P2RY14: variants seen among roughly 807,000 people sequenced by gnomAD.
P2RY14 encodes the protein purinergic receptor P2Y14.
A neutral mutation model predicts 0.9 loss-of-function variants in P2RY14; 2 were observed. The ratio of observed to expected loss-of-function variants is 2.16; its 90% CI spans 0.88 to 6.79. P2RY14 has a LOEUF of 6.79. P2RY14 is among the 30% of genes most tolerant of loss of function. The probability of loss-of-function intolerance (pLI) is 0.05; values close to 1 mark genes in which losing one functional copy is unlikely to be tolerated. For missense variants in P2RY14, 378 were observed against 400.1 expected (o/e 0.94, Z 0.47); for synonymous variants, 158 against 147.2 (o/e 1.07, Z -0.53).
At chr3:151,264,775 G>GTA (rs1739522692) in intron 1 of P2RY14, among the ~76,000 whole-genome samples, 1 of 152,132 alleles carries the variant, frequency 6.6e-6, no homozygotes, top group Non-Finnish European at 1.5e-5. Context: ...GCGTGTGTGT[G>GTA]TATGTGTGTG....
intron 1 of P2RY14, among the ~76,000 whole-genome samples, chr3:151,240,879 A>C (rs2149378848): frequency 6.6e-6 from 1 of 152,318 alleles, no homozygotes; most frequent in South Asian, 2.1e-4. Context: ...TTTATTCTTC[A>C]AGTACCATGC....
At chr3:151,215,313 T>C (rs1269962792) in intron 2 of P2RY14, among the ~76,000 whole-genome samples, 1 of 152,194 alleles carries the variant, frequency 6.6e-6, no homozygotes, top group Non-Finnish European at 1.5e-5. Flanking sequence ...CAGATTGAGA[T>C]GTTCTGTTAA....
At chr3:151,215,588 CT>C (rs1447035228) in intron 2 of P2RY14, among the ~76,000 whole-genome samples, 1 of 152,132 alleles carries the variant, frequency 6.6e-6, no homozygotes, top group Non-Finnish European at 1.5e-5. Flanking sequence ...TTTAGGAATC[CT>C]GTATATTCTT....
chr3:151,243,112 T>G (rs1734566432), intron 1 of P2RY14, among the ~76,000 whole-genome samples: 1 of 151,848 alleles, frequency 6.6e-6, no homozygotes, highest in Non-Finnish European at 1.5e-5. Context: ...AATATGGGGC[T>G]GTGTGAAAAG....
intron 1 of P2RY14, among the ~76,000 whole-genome samples, chr3:151,235,719 A>ATAAG (rs1449554666): frequency 9.3e-6 from 1 of 107,390 alleles, no homozygotes; most frequent in African/African-American, 3.5e-5. Context: ...AAATAAATAA[A>ATAAG]TAAGTAAAAG....
At chr3:151,268,877 G>A (rs796190487) in intron 1 of P2RY14, among the ~76,000 whole-genome samples, 3 of 152,146 alleles carry the variant, frequency 2.0e-5, no homozygotes, top group Admixed American at 6.5e-5. Context: ...CCCAACCTTC[G>A]GTTGGTTTTA....
chr3:151,270,880 T>G (rs1740816881), intron 1 of P2RY14, among the ~76,000 whole-genome samples: 1 of 152,352 alleles, frequency 6.6e-6, no homozygotes, highest in South Asian at 2.1e-4. Context: ...CATTCTCTGT[T>G]GTACTTTTGT....
In P2RY14 at chr3:151,214,179, T is replaced by C. The variant is rs1376684740; in HGVS notation, c.138A>G (p.Ile46Met). 4 of 1,614,128 alleles carry C rather than the reference T, an allele frequency of 2.5e-6. No individual in the cohort carries two copies. Among genetic ancestry groups the C allele is most frequent in the Non-Finnish European group, 1.7e-6 (2 of 1,179,998 alleles). Reference protein sequence around the residue: ...GILLNGVSGWIFFYVPSSKSF... With the variant: ...GILLNGVSGWMFFYVPSSKSF... ...TCTTAGAGCTGGGCACGTAAAAGAATATCCATCCTGACACTCCATTGAGTA... is the reference window on the plus strand; with the variant it reads ...TCTTAGAGCTGGGCACGTAAAAGAACATCCATCCTGACACTCCATTGAGTA... The change falls in exon 3 of 3, where the codon ATA becomes ATG. Residue 46 changes from isoleucine (I) to methionine (M), a missense_variant. Ile to Met is a conservative substitution (Grantham distance 10). Coordinates refer to ENST00000309170, the MANE Select transcript of P2RY14 (RefSeq NM_014879.4).
intron 1 of P2RY14, among the ~76,000 whole-genome samples, chr3:151,238,591 A>G (rs1040178882): frequency 3.3e-5 from 5 of 152,250 alleles, no homozygotes; most frequent in Non-Finnish European, 7.3e-5. Context: ...CTGATGGTGC[A>G]AAAGCCATGA....
rs369061280 is a variant in P2RY14, at chr3:151,243,046, C to T, written c.-132-23404G>A. The stretch of plus-strand genomic sequence containing the variant: ...GGAAGATGAAATGAATGAAATGAAG[C>T]GAGAAGGGAAGTTTAGAGAAAAAAG... On this transcript the variant is annotated intron_variant, in intron 1 of 2. Transcript: ENST00000309170. 5.1e-3 allele frequency among the ~76,000 whole-genome samples: 773 copies of T among 150,570 alleles called. 11 individuals carry two copies. Among genetic ancestry groups the T allele is most frequent in the African/African-American group, 0.017 (708 of 40,762 alleles).
intron 2 of P2RY14, among the ~76,000 whole-genome samples, chr3:151,217,201 T>G (rs1038687895): frequency 5.9e-5 from 9 of 152,240 alleles, no homozygotes; most frequent in African/African-American, 2.2e-4. Context: ...TAGAAGCCAC[T>G]ATTTATAGAA....
At chr3:151,236,616 TTCAA>T (rs1336707957) in intron 1 of P2RY14, among the ~76,000 whole-genome samples, 1 of 152,230 alleles carries the variant, frequency 6.6e-6, no homozygotes, top group Non-Finnish European at 1.5e-5. Flanking sequence ...TCATGTGTTC[TTCAA>T]TCTTTCACTT....
chr3:151,258,978 AT>A (rs1177521507), intron 1 of P2RY14, among the ~76,000 whole-genome samples: 1 of 152,166 alleles, frequency 6.6e-6, no homozygotes, highest in Non-Finnish European at 1.5e-5. Flanking sequence ...CACCTGTGAA[AT>A]GGTGCTGATA....
At chr3:151,246,104 C>G (rs1351126669) in intron 1 of P2RY14, among the ~76,000 whole-genome samples, 1 of 151,848 alleles carries the variant, frequency 6.6e-6, no homozygotes, top group African/African-American at 2.4e-5. Flanking sequence ...CAAACCACTG[C>G]TCAAGGAAAT....
At chr3:151,277,209 GT>G (rs1330337161) in intron 1 of P2RY14, among the ~76,000 whole-genome samples, 58 of 142,348 alleles carry the variant, frequency 4.1e-4, no homozygotes, top group African/African-American at 5.4e-4. Flanking sequence ...TGGCCTCCTT[GT>G]TTTTTTTTTT....
intron 1 of P2RY14, among the ~76,000 whole-genome samples, chr3:151,231,962 GCTGATATATGCATGC>G (rs1271949836): frequency 6.6e-6 from 1 of 151,938 alleles, no homozygotes; most frequent in Non-Finnish European, 1.5e-5. Flanking sequence ...GGCTTTTTTT[GCTGATATATGCATGC>G]CTATATGCAC....
At chr3:151,247,051 A>T (rs2149422647) in intron 1 of P2RY14, among the ~76,000 whole-genome samples, 1 of 152,358 alleles carries the variant, frequency 6.6e-6, no homozygotes, top group South Asian at 2.1e-4. Context: ...TGCAAACCAA[A>T]ACCACAAGAA....
At chr3:151,223,454 T>C (rs552670947) in intron 1 of P2RY14, among the ~76,000 whole-genome samples, 2 of 152,300 alleles carry the variant, frequency 1.3e-5, no homozygotes, top group East Asian at 3.9e-4. Flanking sequence ...TGCCTATCAA[T>C]GATGGATTGG....
intron 1 of P2RY14, among the ~76,000 whole-genome samples, chr3:151,222,042 G>T (rs116089567): frequency 3.6e-4 from 55 of 152,382 alleles, no homozygotes; most frequent in African/African-American, 1.3e-3. Context: ...GAGACATGGA[G>T]TCAAAGGAGA....
Sources: allele counts gnomAD v4.1 joint callset (sites outside exome capture counted in the v4.1 genomes callset), GRCh38; gene constraint gnomAD v4.1.1; transcripts MANE v1.5; gene names NCBI Gene and HGNC (gene_info 2026-07-23, HGNC 2026-07-21).